OCRL: variants seen among roughly 807,000 people sequenced by gnomAD.
OCRL encodes inositol polyphosphate 5-phosphatase OCRL.
OCRL carries 8 observed loss-of-function variants against 78.9 expected under a neutral mutation model. That is an observed-to-expected ratio of 0.10 (90% CI 0.06 to 0.18). The LOEUF is 0.18. OCRL is among the 10% of genes least tolerant of loss of function. OCRL has a pLI of 1.00. For missense variants in OCRL, 454 were observed against 696.7 expected (o/e 0.65, Z 3.92); for synonymous variants, 240 against 235.4 (o/e 1.02, Z -0.18).
At chrX:129,556,718 A>G (rs903468692) in intron 4 of OCRL, among the ~76,000 whole-genome samples, 1 of 112,423 alleles carries the variant, frequency 8.9e-6, no homozygotes, top group Non-Finnish European at 1.9e-5. Flanking sequence ...ACTTCTGAGC[A>G]TAGGTCATTA....
intron 21 of OCRL, 58 bp downstream of exon 21, chrX:129,588,321 C>T (rs1465433674): frequency 7.4e-6 from 6 of 815,443 alleles, no homozygotes; most frequent in South Asian, 2.1e-5. Context: ...AACTCTTCTT[C>T]GCACCTATAT....
At position 129,561,300 on chromosome X, in the gene OCRL, C is replaced by T. The variant is rs1379966431; in HGVS notation, c.939+7C>T. Reference sequence around the variant, plus strand: ...CAAAGCCAAGTATAAGAAAGTAAGCCGCATTTAATTATCTTTTTAAGTGTA... The same window carrying T: ...CAAAGCCAAGTATAAGAAAGTAAGCTGCATTTAATTATCTTTTTAAGTGTA... On this transcript the variant is annotated splice_region_variant and intron_variant, in intron 10 of 23. Coordinates refer to ENST00000371113, the MANE Select transcript of OCRL (RefSeq NM_000276.4). 9.3e-7 allele frequency: 1 copy of T among 1,074,620 alleles called. No individual in the cohort carries two copies. The highest frequency in any genetic ancestry group is 2.2e-5 in the Admixed American group (1 of 45,740). 88.6% of individuals were successfully genotyped at this position (1,074,620 alleles called of 1,213,427 possible).
At chrX:129,559,102 T>G (rs1198294477) in intron 8 of OCRL, 101 bp downstream of exon 8, 9 of 789,787 alleles carry the variant, frequency 1.1e-5, no homozygotes, top group African/African-American at 2.1e-5. Context: ...AATCAAAATA[T>G]GATAAAAAGG....
chrX:129,580,208 T>G (rs1024874157), intron 18 of OCRL, among the ~76,000 whole-genome samples: 1 of 112,589 alleles, frequency 8.9e-6, no homozygotes, highest in Non-Finnish European at 1.9e-5. Flanking sequence ...GTTATAGAAG[T>G]ATTTTCAGTC....
intron 21 of OCRL, 72 bp from the exon 22 acceptor site, chrX:129,588,814 G>A: frequency 8.6e-7 from 1 of 1,166,517 alleles, no homozygotes; most frequent in Non-Finnish European, 1.2e-6. Flanking sequence ...AGGAGCTTGA[G>A]GAAAGGAGCT....
chrX:129,552,327 A>G (rs1278314460), intron 4 of OCRL, among the ~76,000 whole-genome samples: 1 of 112,163 alleles, frequency 8.9e-6, no homozygotes, highest in East Asian at 2.8e-4. Flanking sequence ...ACTGTGGATG[A>G]TGGTACCATT....
intron 18 of OCRL, among the ~76,000 whole-genome samples, chrX:129,583,626 A>G (rs1430449676): frequency 3.6e-5 from 4 of 112,088 alleles, no homozygotes; most frequent in African/African-American, 1.3e-4. Flanking sequence ...GGTAGTTATC[A>G]TGGCTGCTAT....
chrX:129,566,123 T>C (rs1231103254), intron 13 of OCRL, among the ~76,000 whole-genome samples: 1 of 112,370 alleles, frequency 8.9e-6, no homozygotes, highest in Non-Finnish European at 1.9e-5. Flanking sequence ...TCAAAACGTC[T>C]TTATCATTAA....
intron 3 of OCRL, among the ~76,000 whole-genome samples, chrX:129,545,441 A>G (rs1028577519): frequency 1.8e-5 from 2 of 112,506 alleles, no homozygotes; most frequent in Admixed American, 1.9e-4. Flanking sequence ...TGAAATTAAG[A>G]CATTTGGCAA....
intron 22 of OCRL, 197 bp from the exon 23 acceptor site, chrX:129,589,637 GACAGGGACCAA>G (rs1261817219): frequency 2.3e-6 from 1 of 437,941 alleles, no homozygotes; most frequent in Admixed American, 3.5e-5. Context: ...TCATTGAGTG[GACAGGGACCAA>G]ACAGCACGGC....
chrX:129,576,256 C>T (rs1035392714), intron 17 of OCRL, 61 bp from the exon 18 acceptor site: 5 of 1,051,395 alleles, frequency 4.8e-6, no homozygotes, highest in East Asian at 3.0e-5. Context: ...GGTTCTTATA[C>T]TCTTTTTTGC....
At chrX:129,540,670 G>T in intron 1 of OCRL, 74 bp from the exon 2 acceptor site, 2 of 865,136 alleles carry the variant, frequency 2.3e-6, no homozygotes, top group Non-Finnish European at 1.7e-6. Flanking sequence ...GGGGGTGGAA[G>T]ACCCCCTTCG....
chrX:129,576,453 T>C lies in OCRL; in HGVS notation c.2016T>C (p.Ser672=), dbSNP rs1012694347. Residue 672 remains serine (S), a synonymous_variant, in exon 18 of 24, where the codon AGT becomes AGC. Coordinates refer to ENST00000371113, the MANE Select transcript of OCRL (RefSeq NM_000276.4). ...DRGKDYFLTI[S]GNYLPSCFGT... is the part of the protein sequence containing the mutation. ...GCAAAGATTACTTCTTGACTATCAG[T>C]GGAAATTACCTCCCAAGTTGTTTTG... 11 of 1,211,218 alleles carry C rather than the reference T, an allele frequency of 9.1e-6. No individual in the cohort carries two copies. Among genetic ancestry groups the C allele is most frequent in the Non-Finnish European group, 1.1e-5 (10 of 894,807 alleles).
At chrX:129,583,590 A>G (rs5977112) in intron 18 of OCRL, among the ~76,000 whole-genome samples, 31,567 of 110,995 alleles carry the variant, frequency 0.28, 3,839 homozygotes, top group East Asian at 0.74. Context: ...TTCCTGATAC[A>G]TGACAGATGC....
chrX:129,541,386 C>G (rs1199291596), intron 2 of OCRL, among the ~76,000 whole-genome samples: 2 of 111,963 alleles, frequency 1.8e-5, no homozygotes, highest in South Asian at 7.5e-4. Context: ...AGGCCAGAAA[C>G]TGCCTCACTT....
chrX:129,584,119 G>A (rs933545907), intron 18 of OCRL, among the ~76,000 whole-genome samples: 1 of 112,129 alleles, frequency 8.9e-6, no homozygotes, highest in East Asian at 2.8e-4. Flanking sequence ...TTTCTTGAGT[G>A]ATATTCTCAA....
At chrX:129,570,396 A>C (rs1569460916) in intron 15 of OCRL, among the ~76,000 whole-genome samples, 1 of 111,828 alleles carries the variant, frequency 8.9e-6, no homozygotes, top group East Asian at 2.8e-4. Context: ...GTACATACTC[A>C]TGAAGATTAA....
intron 4 of OCRL, among the ~76,000 whole-genome samples, chrX:129,555,218 T>C (rs1337278503): frequency 9.1e-6 from 1 of 110,036 alleles, no homozygotes; most frequent in African/African-American, 3.3e-5. Flanking sequence ...GGCTCATGCC[T>C]GTAATCCCAG....
At chrX:129,547,519 C>G (rs1286954022) in intron 3 of OCRL, among the ~76,000 whole-genome samples, 1 of 82,239 alleles carries the variant, frequency 1.2e-5, no homozygotes, top group African/African-American at 5.3e-5. Context: ...AGCAAGACTC[C>G]GTCTCAAAAA....
Sources: gnomAD v4.1 joint callset for allele counts (sites outside exome capture counted in the v4.1 genomes callset) on GRCh38, gnomAD v4.1.1 for gene constraint, MANE v1.5 for transcripts, NCBI Gene and HGNC (gene_info 2026-07-23, HGNC 2026-07-21) for gene names.